The following LDB3 variants were observed in gnomAD, a reference collection of about 807,000 sequenced individuals.
The protein encoded by LDB3 is LIM domain binding 3, also known as LIM domain-binding protein 3.
A neutral mutation model predicts 69.0 loss-of-function variants in LDB3; 49 were observed. The observed-to-expected ratio is 0.71, with a 90% confidence interval of 0.56 to 0.90. The LOEUF (loss-of-function observed/expected upper bound fraction) is 0.90. LDB3 is among the 40% of genes least tolerant of loss of function. LDB3 has a pLI of 0.00. For missense variants in LDB3, 928 were observed against 974.1 expected (o/e 0.95, Z 0.63); for synonymous variants, 387 against 396.2 (o/e 0.98, Z 0.28).
chr10:86,704,321 A>G (rs1193373083), intron 7 of LDB3, among the ~76,000 whole-genome samples: 1 of 152,108 alleles, frequency 6.6e-6, no homozygotes, highest in Non-Finnish European at 1.5e-5. Flanking sequence ...TAGAGACACA[A>G]TCTTTCTGGA....
At position 86,716,413 on chromosome 10, in the gene LDB3, TCCCCTG is replaced by T. The variant is rs774271119; in HGVS notation, c.1327_1332del (p.Pro443_Ala444del). ...CTCCCCTGCCCCTGCCTACACCCCC[TCCCCTG>T]CCCCTGCCTACACCCCCTCACCTGT... On this transcript the variant is annotated inframe_deletion, in exon 10 of 14. Transcript: ENST00000361373. 1.6e-6 allele frequency: 1 copy of T among 617,984 alleles called. No individual in the cohort carries two copies. Among genetic ancestry groups the T allele is most frequent in the South Asian group, 2.8e-5 (1 of 35,924 alleles). The allele number at this position is 617,984 out of a possible 1,614,324, so 38.3% of individuals were successfully genotyped here.
intron 5 of LDB3, among the ~76,000 whole-genome samples, chr10:86,688,720 C>T (rs868594668): frequency 1.3e-5 from 2 of 152,178 alleles, no homozygotes; most frequent in African/African-American, 2.4e-5. Flanking sequence ...TTCTTTGTCA[C>T]GTGTGTCCTT....
chr10:86,687,683 T>C (rs1845561671), intron 5 of LDB3, among the ~76,000 whole-genome samples: 1 of 152,232 alleles, frequency 6.6e-6, no homozygotes, highest in Non-Finnish European at 1.5e-5. Context: ...GAGAATTGAT[T>C]CAAATACACT....
intron 2 of LDB3, among the ~76,000 whole-genome samples, chr10:86,677,035 A>G (rs1844830894): frequency 6.6e-6 from 1 of 152,210 alleles, no homozygotes; most frequent in South Asian, 2.1e-4. Context: ...CAGGAAGGTG[A>G]CTGGGATGTG....
At chr10:86,688,212 C>A (rs1468770790) in intron 5 of LDB3, among the ~76,000 whole-genome samples, 2 of 152,124 alleles carry the variant, frequency 1.3e-5, no homozygotes, top group South Asian at 2.1e-4. Context: ...GGGTCAGGAT[C>A]CCCTAGCAAT....
intron 2 of LDB3, among the ~76,000 whole-genome samples, chr10:86,678,752 C>T (rs1482507997): frequency 6.6e-6 from 1 of 152,162 alleles, no homozygotes; most frequent in African/African-American, 2.4e-5. Flanking sequence ...GTGACCCTCT[C>T]ACCTGCCTCC....
At chr10:86,692,267 A>G (rs911514119) in intron 6 of LDB3, among the ~76,000 whole-genome samples, 1 of 152,226 alleles carries the variant, frequency 6.6e-6, no homozygotes, top group African/African-American at 2.4e-5. Flanking sequence ...TTCTGCTCCA[A>G]TGCCAACTCC....
intron 13 of LDB3, among the ~76,000 whole-genome samples, chr10:86,728,623 G>A (rs188357076): frequency 7.5e-5 from 9 of 120,376 alleles, no homozygotes; most frequent in East Asian, 7.2e-4. Context: ...TTGCTCTGTC[G>A]CCAGGCTGGA....
At chr10:86,668,426 G>T (rs1456487203), upstream of LDB3, 7 of 547,534 alleles carry the variant, frequency 1.3e-5, no homozygotes, top group African/African-American at 9.4e-5. Context: ...GAGGCGGCAG[G>T]CTGGCAGGCA....
At chr10:86,707,876 T>C (rs1846503103) in intron 8 of LDB3, among the ~76,000 whole-genome samples, 1 of 152,210 alleles carries the variant, frequency 6.6e-6, no homozygotes, top group African/African-American at 2.4e-5. Context: ...TGGGGGGATT[T>C]AGGACACTGC....
Position 86,699,465 on chromosome 10 carries a change from C to T in LDB3, c.896+6894C>T. ...CTGGCATGTGAGCCCCACGGTGATG[C>T]TTGACAATGTATAACTCTGCTGGGG... On this transcript the variant is annotated intron_variant, in intron 7 of 13. Transcript: ENST00000361373. The surrounding 1 kb of genome is among the most constrained non-coding windows in gnomAD (Gnocchi z 4.9). 6.3e-7 allele frequency: 1 copy of T among 1,599,286 alleles called. No individual in the cohort carries two copies.
chr10:86,680,475 C>T (rs1845052890), intron 4 of LDB3, among the ~76,000 whole-genome samples: 1 of 152,232 alleles, frequency 6.6e-6, no homozygotes, highest in Admixed American at 6.5e-5. Flanking sequence ...ACCCTCCTGG[C>T]CAGGCAGGGG....
At chr10:86,679,219 C>T in intron 2 of LDB3, 148 bp from the exon 3 acceptor site, 1 of 929,708 alleles carries the variant, frequency 1.1e-6, no homozygotes. Context: ...AGGAACTAGG[C>T]TTGGTTAGCA....
rs73344172 is a variant in LDB3, at chr10:86,686,887, T to C, written c.690-5009T>C. ...GGAGGGTGCCAAGGATTTTCTTGAA[T>C]ACACCCAGACCACCCACCATCTGGA... On this transcript the variant is annotated intron_variant, in intron 5 of 13. Coordinates refer to ENST00000361373, the MANE Select transcript of LDB3 (RefSeq NM_007078.3). 0.081 allele frequency among the ~76,000 whole-genome samples: 12,295 copies of C among 151,914 alleles called. 540 individuals are homozygous for C. Among genetic ancestry groups the C allele is most frequent in the African/African-American group, 0.1 (4,179 of 41,416 alleles).
chr10:86,725,635 G>A (rs754115996), intron 12 of LDB3, among the ~76,000 whole-genome samples: 1 of 152,078 alleles, frequency 6.6e-6, no homozygotes, highest in Non-Finnish European at 1.5e-5. Flanking sequence ...GGAGGAGGAG[G>A]ACATGCCCCA....
At chr10:86,723,127 G>C (rs114753438) in intron 12 of LDB3, among the ~76,000 whole-genome samples, 1 of 151,464 alleles carries the variant, frequency 6.6e-6, no homozygotes, top group African/African-American at 2.4e-5. Flanking sequence ...TAAAGTAGCC[G>C]ACCGTGGTGG....
intron 9 of LDB3, among the ~76,000 whole-genome samples, chr10:86,711,801 G>C (rs1589669543): frequency 6.7e-6 from 1 of 149,620 alleles, no homozygotes; most frequent in Admixed American, 6.7e-5. Context: ...CGCGCGGGCC[G>C]GGGACGGTCA....
chr10:86,724,021 G>A (rs574026873), intron 12 of LDB3, among the ~76,000 whole-genome samples: 1 of 152,266 alleles, frequency 6.6e-6, no homozygotes, highest in South Asian at 2.1e-4. Context: ...TTTAAAATTG[G>A]AATACTAGGC....
chr10:86,697,024 G>C (rs1846027198), intron 7 of LDB3, among the ~76,000 whole-genome samples: 1 of 152,164 alleles, frequency 6.6e-6, no homozygotes. Flanking sequence ...CAGTATGCAG[G>C]ATTCAAGGGG....
Sources: gnomAD v4.1 joint callset for allele counts (sites outside exome capture counted in the v4.1 genomes callset) on GRCh38, gnomAD v4.1.1 for gene constraint, Gnocchi (gnomAD v3.1) non-coding constraint, MANE v1.5 for transcripts, NCBI Gene and HGNC (gene_info 2026-07-23, HGNC 2026-07-21) for gene names.